SLC25A3: variants seen among roughly 807,000 people sequenced by gnomAD.
SLC25A3 encodes solute carrier family 25 member 3.
In SLC25A3, 14 loss-of-function variants were observed where a neutral mutation model predicts 37.1. The observed-to-expected ratio is 0.38, with a 90% CI of 0.25 to 0.59. The LOEUF is 0.59. Among genes scored for constraint, SLC25A3 ranks in the 20% least tolerant of loss-of-function variants. The pLI is 0.67. For missense variants in SLC25A3, 385 were observed against 458.1 expected (o/e 0.84, Z 1.46); for synonymous variants, 161 against 168.7 (o/e 0.95, Z 0.36).
chr12:98,598,756 T>C (rs2097595161), intron 5 of SLC25A3, 53 bp downstream of exon 5: 7 of 1,484,294 alleles, frequency 4.7e-6, no homozygotes, highest in Non-Finnish European at 6.4e-6. Context: ...TTAAGTGAAC[T>C]TCATTTTTTT....
intron 5 of SLC25A3, 54 bp downstream of exon 5, chr12:98,598,757 TC>T (rs2097595169): frequency 6.9e-7 from 1 of 1,444,974 alleles, no homozygotes; most frequent in African/African-American, 1.4e-5. Context: ...TAAGTGAACT[TC>T]ATTTTTTTTT....
In SLC25A3 at chr12:98,602,142, T is replaced by C. The variant is rs1457840799; in HGVS notation, c.*614T>C. 6.4e-6 allele frequency: 1 copy of C among 155,340 alleles called. No individual in the cohort carries two copies. Among genetic ancestry groups the C allele is most frequent in the African/African-American group, 2.4e-5 (1 of 41,398 alleles). 9.6% of individuals were successfully genotyped at this position (155,340 alleles called of 1,614,324 possible). Reference sequence around the variant, plus strand: ...TTGACAGCTGAAAACAATTTTCAGGTACACTAATTCTCTTTACACAGATCT... The same window carrying C: ...TTGACAGCTGAAAACAATTTTCAGGCACACTAATTCTCTTTACACAGATCT... On this transcript the variant is annotated 3_prime_UTR_variant, in exon 8 of 8. Transcript: ENST00000552981.
chr12:98,595,979 A>T, intron 3 of SLC25A3, 131 bp downstream of exon 3: 1 of 836,702 alleles, frequency 1.2e-6, no homozygotes, highest in Non-Finnish European at 2.0e-6. Context: ...ATTTCTTTAA[A>T]TTGTGGGCTT....
chr12:98,594,173 A>C (rs373572062), intron 2 of SLC25A3, 38 bp downstream of exon 2: 1 of 1,535,164 alleles, frequency 6.5e-7, no homozygotes, highest in Non-Finnish European at 8.9e-7. Context: ...CGTGTGGTCT[A>C]CTTGTGGGCC....
In SLC25A3 at chr12:98,594,088, C is replaced by G. The variant is rs1266521594; in HGVS notation, c.110C>G (p.Thr37Arg). Reference protein sequence around the residue: ...GDLRSSSPGPTGQPRRPRNLA... With the variant: ...GDLRSSSPGPRGQPRRPRNLA... ...CTCCGCAGCAGCTCCCCAGGGCCCACGGGCCAGCCCCGCCGCCCTCGCAAC... is the reference window on the plus strand; with the variant it reads ...CTCCGCAGCAGCTCCCCAGGGCCCAGGGGCCAGCCCCGCCGCCCTCGCAAC... The change falls in exon 2 of 8, where the codon ACG (threonine) becomes AGG (arginine). Residue 37 changes from threonine (T) to arginine (R), a missense_variant. Around this residue, in one of 2 missense-constraint regions of SLC25A3, gnomAD observed 109 missense variants for 90.5 expected, o/e 1.20. Transcript: ENST00000552981. 1 of 1,611,532 alleles carries G rather than the reference C, an allele frequency of 6.2e-7. No homozygotes were observed. The highest frequency in any genetic ancestry group is 1.3e-5 in the African/African-American group (1 of 74,908).
At chr12:98,598,775 T>G (rs962123333) in intron 5 of SLC25A3, 72 bp downstream of exon 5, 32 of 1,431,148 alleles carry the variant, frequency 2.2e-5, no homozygotes, top group Non-Finnish European at 3.1e-5. Flanking sequence ...TTTTGTTTTT[T>G]TTTTTGTTTT....
chr12:98,599,576 T>C (rs2153286703), intron 5 of SLC25A3: 1 of 480,382 alleles, frequency 2.1e-6, no homozygotes, highest in South Asian at 1.6e-5. Context: ...TATTAACTTT[T>C]AGGGAGGGCT....
In SLC25A3 at chr12:98,601,653, C is replaced by G. The variant is rs191689890; in HGVS notation, c.*125C>G. On this transcript the variant is annotated 3_prime_UTR_variant, in exon 8 of 8. Coordinates refer to ENST00000552981, the MANE Select transcript of SLC25A3 (RefSeq NM_002635.4). ...TTCCTGATATAATTACTGTAGTACT[C>G]TTGCTTAAGGCAAGAGTTTCAGATT... 7 of 710,390 alleles carry G rather than the reference C, an allele frequency of 9.9e-6. No individual in the cohort carries two copies. In the Admixed American group the frequency reaches 1.5e-4, roughly 15 times the overall value. 44.0% of individuals were successfully genotyped at this position (710,390 alleles called of 1,614,324 possible).
At chr12:98,597,797 T>C in intron 3 of SLC25A3, 59 bp from the exon 4 acceptor site, 1 of 1,592,634 alleles carries the variant, frequency 6.3e-7, no homozygotes, top group Non-Finnish European at 8.6e-7. Context: ...ATCATGAGAT[T>C]AAATTTTTAT....
rs1555209327 is a variant in SLC25A3 at position 98,604,263 on chromosome 12, A to ATATATAT, written c.*2735_*2736insTATATAT. The ATATATAT allele has an allele frequency of 8.9e-5, 12 of 134,586 alleles. No homozygotes were observed. Among genetic ancestry groups the ATATATAT allele is most frequent in the African/African-American group, 3.4e-4 (12 of 34,838 alleles). 8.3% of individuals were successfully genotyped at this position (134,586 alleles called of 1,614,324 possible). The stretch of plus-strand genomic sequence containing the variant: ...GCGAAACTCTGTCTCAAAAAAAAAA[A>ATATATAT]ATATATATATATATATATATATATG... On this transcript the variant is annotated 3_prime_UTR_variant, in exon 8 of 8. Transcript: ENST00000552981.
chr12:98,595,807 A>G lies in SLC25A3; in HGVS notation c.238A>G (p.Thr80Ala), dbSNP rs1271411903. ...GGTCTTAAGTTGTGGTCTGACACACACTGCTGTGGTTCCCCTGGATTTAGT... is the reference window on the plus strand; with the variant it reads ...GGTCTTAAGTTGTGGTCTGACACACGCTGCTGTGGTTCCCCTGGATTTAGT... ...GGVLSCGLTH[T>A]AVVPLDLVKC... Residue 80 changes from threonine to alanine, a missense_variant, in exon 3 of 8, where the codon ACT becomes GCT. Coordinates refer to ENST00000552981, the MANE Select transcript of SLC25A3 (RefSeq NM_002635.4). The G allele has an allele frequency of 1.2e-6, 2 of 1,614,094 alleles. No homozygotes were observed. Among genetic ancestry groups the G allele is most frequent in the African/African-American group, 1.3e-5 (1 of 74,938 alleles).
chr12:98,598,928 A>G (rs1484196774), intron 5 of SLC25A3, among the ~76,000 whole-genome samples: 3 of 151,860 alleles, frequency 2.0e-5, no homozygotes, highest in Admixed American at 6.6e-5. Flanking sequence ...GGCGCCTGCC[A>G]CTGCGCCCAG....
chr12:98,594,568 C>T (rs570090399), intron 2 of SLC25A3: 81 of 582,450 alleles, frequency 1.4e-4, no homozygotes, highest in Admixed American at 7.8e-4. Context: ...TATTTGTCGA[C>T]GCCAGGTCAG....
Position 98,600,051 on chromosome 12 carries a change from G to A in SLC25A3, c.738G>A (p.Lys246=), listed in dbSNP as rs1592979471. Residue 246 remains lysine, a synonymous_variant, in exon 6 of 8, where the codon AAG becomes AAA. Coordinates refer to ENST00000552981, the MANE Select transcript of SLC25A3 (RefSeq NM_002635.4). ...AACGTACTGTTGAAGCACTGTACAA[G>A]TTTGTGGTTCCTAAGCCCCGCAGTG... ...CFERTVEALY[K]FVVPKPRSEC... is the part of the protein sequence containing the mutation. 1 of 1,614,216 alleles carries A rather than the reference G, an allele frequency of 6.2e-7. No homozygotes were observed. Among genetic ancestry groups the A allele is most frequent in the Non-Finnish European group, 8.5e-7 (1 of 1,180,028 alleles).
intron 2 of SLC25A3, chr12:98,595,300 A>G: frequency 1.1e-6 from 1 of 902,370 alleles, no homozygotes; most frequent in Non-Finnish European, 1.7e-6. Flanking sequence ...TTTTTTTTTA[A>G]GCCACTTAAT....
At position 98,603,204 on chromosome 12, in the gene SLC25A3, C is replaced by CA. The variant is rs1402270873; in HGVS notation, c.*1677dup. 6.6e-6 allele frequency: 1 copy of CA among 152,226 alleles called. No individual in the cohort carries two copies. Among genetic ancestry groups the CA allele is most frequent in the Non-Finnish European group, 1.5e-5 (1 of 68,058 alleles). 9.4% of individuals were successfully genotyped at this position (152,226 alleles called of 1,614,324 possible). On this transcript the variant is annotated 3_prime_UTR_variant, in exon 8 of 8. Coordinates refer to ENST00000552981, the MANE Select transcript of SLC25A3 (RefSeq NM_002635.4). ...CTGTGGGTGAAGAACTCGGGAGTAT[C>CA]AGACTCTTCTGGTTCTGAGTCTCAT...
At chr12:98,594,300 G>A in intron 2 of SLC25A3, 165 bp downstream of exon 2, 1 of 717,792 alleles carries the variant, frequency 1.4e-6, no homozygotes, top group Non-Finnish European at 2.5e-6. Context: ...TTCCACCATA[G>A]GCGGGTGTCA....
intron 3 of SLC25A3, among the ~76,000 whole-genome samples, chr12:98,596,429 T>C (rs1164152595): frequency 6.6e-6 from 1 of 152,178 alleles, no homozygotes; most frequent in Non-Finnish European, 1.5e-5. Context: ...GAGAAATGAA[T>C]TTGAAATATT....
rs1388235666 is a variant in SLC25A3 at position 98,594,068 on chromosome 12, C to G, written c.90C>G (p.Arg30=). The G allele has an allele frequency of 6.2e-7, 1 of 1,612,882 alleles. No homozygotes were observed. The highest frequency in any genetic ancestry group is 1.3e-5 in the African/African-American group (1 of 75,048). ...TGCACGATGGTCTCGGGGACCTCCG[C>G]AGCAGCTCCCCAGGGCCCACGGGCC... ...QLVHDGLGDL[R]SSSPGPTGQP... is the part of the protein sequence containing the mutation. The change falls in exon 2 of 8, where the codon CGC becomes CGG. Residue 30 remains arginine, a synonymous_variant. Transcript: ENST00000552981.
Sources: gnomAD v4.1 joint callset for allele counts (sites outside exome capture counted in the v4.1 genomes callset) on GRCh38, gnomAD v4.1.1 for gene constraint, gnomAD v4.1.1 regional missense constraint, MANE v1.5 for transcripts, NCBI Gene and HGNC (gene_info 2026-07-23, HGNC 2026-07-21) for gene names.